Variants in RIMS2 observed in about 807,000 individuals in gnomAD.
RIMS2 encodes the protein regulating synaptic membrane exocytosis 2, also known as regulating synaptic membrane exocytosis protein 2.
In RIMS2, 59 loss-of-function variants were observed where a neutral mutation model predicts 174.4. The observed-to-expected ratio is 0.34, with a 90% CI of 0.27 to 0.42. The LOEUF (loss-of-function observed/expected upper bound fraction) is 0.42. Ranked by LOEUF, RIMS2 falls within the 10% of genes least tolerant of loss-of-function variation. The probability of loss-of-function intolerance (pLI) is 1.00; values close to 1 mark genes in which losing one functional copy is unlikely to be tolerated. For synonymous variants in RIMS2, 606 were observed against 572.5 expected (o/e 1.06, Z -0.84); for missense variants, 1,620 against 1,666.3 (o/e 0.97, Z 0.48).
intron 15 of RIMS2, among the ~76,000 whole-genome samples, chr8:103,970,914 T>G (rs1300728888): frequency 6.6e-6 from 1 of 152,208 alleles, no homozygotes; most frequent in Non-Finnish European, 1.5e-5. Context: ...ACCAAGTCTT[T>G]AAGTCAGAGG....
chr8:103,579,200 C>G (rs1037624804), intron 1 of RIMS2, among the ~76,000 whole-genome samples: 5 of 151,702 alleles, frequency 3.3e-5, no homozygotes, highest in Non-Finnish European at 5.9e-5. Context: ...CCTGGGAGTT[C>G]AGGACGAGGG....
intron 3 of RIMS2, among the ~76,000 whole-genome samples, chr8:103,794,625 C>T (rs1266417609): frequency 6.6e-6 from 1 of 152,094 alleles, no homozygotes; most frequent in Non-Finnish European, 1.5e-5. Context: ...GCAAAAGAAA[C>T]CACCATCAGA....
intron 2 of RIMS2, among the ~76,000 whole-genome samples, chr8:103,706,067 A>G (rs1382775661): frequency 2.7e-5 from 4 of 150,866 alleles, no homozygotes; most frequent in Non-Finnish European, 5.9e-5. Context: ...TTTTTAGTGG[A>G]CCTATTATAG....
intron 19 of RIMS2, among the ~76,000 whole-genome samples, chr8:104,156,353 A>G (rs947372616): frequency 6.6e-6 from 1 of 152,022 alleles, no homozygotes; most frequent in Non-Finnish European, 1.5e-5. Flanking sequence ...CTTCTATTCC[A>G]TTGGCTGCTT....
intron 2 of RIMS2, among the ~76,000 whole-genome samples, chr8:103,704,364 A>G (rs1027034043): frequency 2.0e-5 from 3 of 151,654 alleles, no homozygotes; most frequent in East Asian, 3.9e-4. Flanking sequence ...GTTTGCTAGA[A>G]TGTTTTTGAA....
chr8:103,911,373 A>G (rs1178021012), intron 5 of RIMS2, among the ~76,000 whole-genome samples: 2 of 152,170 alleles, frequency 1.3e-5, no homozygotes, highest in African/African-American at 4.8e-5. Context: ...TAGTAAAGGT[A>G]ATTTACTAAA....
chr8:103,547,680 T>C (rs1360698207), intron 1 of RIMS2, among the ~76,000 whole-genome samples: 1 of 152,038 alleles, frequency 6.6e-6, no homozygotes, highest in South Asian at 2.1e-4. Flanking sequence ...TGAAGGAAAT[T>C]GAGATACACA....
intron 19 of RIMS2, among the ~76,000 whole-genome samples, chr8:104,090,855 T>A (rs960505763): frequency 6.6e-6 from 1 of 151,868 alleles, no homozygotes; most frequent in African/African-American, 2.4e-5. Context: ...TTTTTGTAGC[T>A]TAGAATAGTC....
At chr8:104,101,030 T>C (rs1041542432) in intron 19 of RIMS2, among the ~76,000 whole-genome samples, 2 of 141,386 alleles carry the variant, frequency 1.4e-5, no homozygotes, top group Non-Finnish European at 3.0e-5. Context: ...GTAATATATG[T>C]TATATATTAT....
chr8:104,095,659 A>C (rs1206972720), intron 19 of RIMS2, among the ~76,000 whole-genome samples: 1 of 151,996 alleles, frequency 6.6e-6, no homozygotes, highest in African/African-American at 2.4e-5. Flanking sequence ...TTTATATGAG[A>C]CTGAAAATTG....
chr8:104,020,769 A>G (rs1597254650), intron 19 of RIMS2, among the ~76,000 whole-genome samples: 1 of 152,046 alleles, frequency 6.6e-6, no homozygotes, highest in African/African-American at 2.4e-5. Context: ...AAGTTAAACA[A>G]TAATATAAAA....
Position 104,002,492 on chromosome 8 carries a change from A to G in RIMS2, c.3045-10950A>G, listed in dbSNP as rs180695401. On this transcript the variant is annotated intron_variant, in intron 17 of 23. Coordinates refer to ENST00000504942, the Ensembl canonical transcript of RIMS2. Reference sequence around the variant, plus strand: ...AATAATTGACCACATAAAAGTGGACAATAAAAAGTAACTTTTTTATTGAGA... The same window carrying G: ...AATAATTGACCACATAAAAGTGGACGATAAAAAGTAACTTTTTTATTGAGA... Among the ~76,000 whole-genome samples, 104 of 152,320 alleles carry G rather than the reference A, an allele frequency of 6.8e-4. 1 individual carries two copies. Among genetic ancestry groups the G allele is most frequent in the Admixed American group, 2.3e-3 (35 of 15,284 alleles).
At chr8:103,529,895 G>A (rs1016126695) in intron 1 of RIMS2, among the ~76,000 whole-genome samples, 2 of 152,210 alleles carry the variant, frequency 1.3e-5, no homozygotes, top group Non-Finnish European at 2.9e-5. Context: ...TTTGATCTGT[G>A]GTTGGTTGAA....
At chr8:104,165,669 A>G (rs562397988) in intron 19 of RIMS2, among the ~76,000 whole-genome samples, 3 of 152,020 alleles carry the variant, frequency 2.0e-5, no homozygotes, top group Admixed American at 6.5e-5. Context: ...TTTTTCTTAA[A>G]ATAGTCCACT....
At chr8:103,924,114 A>C (rs1481288491) in intron 10 of RIMS2, among the ~76,000 whole-genome samples, 1 of 151,690 alleles carries the variant, frequency 6.6e-6, no homozygotes, top group Non-Finnish European at 1.5e-5. Context: ...TATTTTTGTT[A>C]GGACAAAATT....
chr8:103,725,057 G>A (rs1276866373), intron 2 of RIMS2, among the ~76,000 whole-genome samples: 3 of 152,094 alleles, frequency 2.0e-5, no homozygotes, highest in Non-Finnish European at 4.4e-5. Flanking sequence ...AACTCCATAT[G>A]TGAACAAAAC....
Position 103,816,659 on chromosome 8 carries a change from G to C in RIMS2, c.698+50122G>C, listed in dbSNP as rs532329982. Among the ~76,000 whole-genome samples, 3 of 152,142 alleles carry C rather than the reference G, an allele frequency of 2.0e-5. No individual in the cohort carries two copies. In the East Asian group the frequency reaches 5.8e-4, roughly 29 times the overall value. ...TAGGGGCAGGTGAAAGGGTGGTAATGGAGAGGGAAGGTGGAAGAGATCATT... is the reference window on the plus strand; with the variant it reads ...TAGGGGCAGGTGAAAGGGTGGTAATCGAGAGGGAAGGTGGAAGAGATCATT... On this transcript the variant is annotated intron_variant, in intron 3 of 23. Transcript: ENST00000504942.
intron 1 of RIMS2, among the ~76,000 whole-genome samples, chr8:103,513,764 G>A (rs1403667551): frequency 1.3e-5 from 2 of 152,000 alleles, no homozygotes; most frequent in African/African-American, 4.8e-5. Context: ...GTTAATTATT[G>A]TAATCATAGT....
chr8:103,516,089 G>GCAGTTGT (rs377134203), intron 1 of RIMS2, among the ~76,000 whole-genome samples: 14 of 152,054 alleles, frequency 9.2e-5, no homozygotes, highest in African/African-American at 3.4e-4. Context: ...TTGGCAGTTG[G>GCAGTTGT]CAGTTTCTAT....
Sources: gnomAD v4.1 joint callset for allele counts (sites outside exome capture counted in the v4.1 genomes callset) on GRCh38, gnomAD v4.1.1 for gene constraint, MANE v1.5 for transcripts, NCBI Gene and HGNC (gene_info 2026-07-23, HGNC 2026-07-21) for gene names.